CD47: variants seen among roughly 807,000 people sequenced by gnomAD.
CD47 encodes CD47 molecule.
A neutral mutation model predicts 44.6 loss-of-function variants in CD47; 11 were observed. That is an observed-to-expected ratio of 0.25 (90% CI 0.16 to 0.41). The LOEUF (loss-of-function observed/expected upper bound fraction) is 0.41. CD47 is among the 10% of genes least tolerant of loss of function. CD47 has a pLI of 1.00. For synonymous variants in CD47, 140 were observed against 136.3 expected (o/e 1.03, Z -0.19); for missense variants, 306 against 386.7 (o/e 0.79, Z 1.75).
rs528193963 is a variant in CD47, at chr3:108,068,618, C to T, written c.490+2475G>A. ...TTCAAATCCCAGTACTATCAGGAAA[C>T]GGCTGGGTGATTGCGGGCAAATTGC... On this transcript the variant is annotated intron_variant, in intron 3 of 10. Transcript: ENST00000361309. Among the ~76,000 whole-genome samples the T allele has an allele frequency of 8.5e-5, 13 of 152,270 alleles. No individual in the cohort carries two copies. The South Asian group carries it at 1.2e-3, about 15-fold the overall frequency.
At chr3:108,073,613 G>C (rs1414796378) in intron 2 of CD47, among the ~76,000 whole-genome samples, 1 of 152,232 alleles carries the variant, frequency 6.6e-6, no homozygotes, top group Non-Finnish European at 1.5e-5. Context: ...TCAGTGATGA[G>C]ATCAAATGGG....
intron 2 of CD47, among the ~76,000 whole-genome samples, chr3:108,073,693 G>A (rs13067707): frequency 0.12 from 18,813 of 152,246 alleles, 1,466 homozygotes; most frequent in Middle Eastern, 0.2. Context: ...TTTATTCTAA[G>A]AGCAATGACA....
intron 1 of CD47, among the ~76,000 whole-genome samples, chr3:108,088,352 G>A (rs1301431291): frequency 6.6e-6 from 1 of 152,154 alleles, no homozygotes; most frequent in Non-Finnish European, 1.5e-5. Flanking sequence ...CAGTGACAAA[G>A]ATAAAACATC....
chr3:108,058,562 G>T lies in CD47; in HGVS notation c.692-133C>A, dbSNP rs2078957392. 8 of 560,108 alleles carry T rather than the reference G, an allele frequency of 1.4e-5. No individual in the cohort carries two copies. The East Asian group carries it at 2.7e-4, about 19-fold the overall frequency. The allele number at this position is 560,108 out of a possible 1,614,324, so 34.7% of individuals were successfully genotyped here. Reference sequence around the variant, plus strand: ...CTCTGGAGTTCATTGTTTGACGGTAGATGTTAACTCAGTGATCTAACCCTT... The same window carrying T: ...CTCTGGAGTTCATTGTTTGACGGTATATGTTAACTCAGTGATCTAACCCTT... On this transcript the variant is annotated intron_variant, in intron 5 of 10. Coordinates refer to ENST00000361309, the MANE Select transcript of CD47 (RefSeq NM_001777.4).
intron 8 of CD47, among the ~76,000 whole-genome samples, chr3:108,051,611 A>G (rs546188545): frequency 2.0e-5 from 3 of 152,348 alleles, no homozygotes; most frequent in South Asian, 2.1e-4. Context: ...TGCACATCCA[A>G]TGAATCCAAC....
chr3:108,068,048 G>A (rs1172920524), intron 3 of CD47, among the ~76,000 whole-genome samples: 2 of 152,178 alleles, frequency 1.3e-5, no homozygotes, highest in African/African-American at 4.8e-5. Context: ...GCCAAGTACA[G>A]ACCATAAATG....
chr3:108,057,072 C>T (rs2108229920), intron 7 of CD47, among the ~76,000 whole-genome samples: 1 of 152,254 alleles, frequency 6.6e-6, no homozygotes, highest in Non-Finnish European at 1.5e-5. Flanking sequence ...CAGGACAGCT[C>T]TATCACAGAA....
intron 2 of CD47, among the ~76,000 whole-genome samples, chr3:108,077,558 G>T (rs2079332122): frequency 6.6e-6 from 1 of 152,102 alleles, no homozygotes; most frequent in South Asian, 2.1e-4. Context: ...TTATCCCAGA[G>T]AAATGAAAAC....
intron 8 of CD47, 50 bp from the exon 9 acceptor site, chr3:108,050,652 T>C: frequency 1.5e-6 from 1 of 665,210 alleles, no homozygotes; most frequent in Non-Finnish European, 2.5e-6. Flanking sequence ...TTATGTCATG[T>C]CATTTTATAG....
chr3:108,060,155 G>C (rs1176478708), intron 4 of CD47, among the ~76,000 whole-genome samples: 6 of 152,170 alleles, frequency 3.9e-5, no homozygotes, highest in Non-Finnish European at 8.8e-5. Flanking sequence ...CTTGGCCAAT[G>C]AAGTTTGCCT....
rs1320737488 is a variant in CD47, at chr3:108,058,414, G to A, written c.707C>T (p.Ser236Phe). 1 of 1,563,782 alleles carries A rather than the reference G, an allele frequency of 6.4e-7. No homozygotes were observed. Among genetic ancestry groups the A allele is most frequent in the African/African-American group, 1.3e-5 (1 of 74,224 alleles). Residue 236 changes from serine (S) to phenylalanine (F), a missense_variant, in exon 6 of 11, where the codon TCC becomes TTC. By Grantham distance (155) the Ser-to-Phe change is radical. Coordinates refer to ENST00000361309, the MANE Select transcript of CD47 (RefSeq NM_001777.4). ...AATAACCAATATGGCAATGACGAAG[G>A]AGGTTAATCCAATCGCTGGAGGAAG... ...YVFSTAIGLT[S>F]FVIAILVIQV...
At chr3:108,085,179 TC>T (rs986358203) in intron 1 of CD47, among the ~76,000 whole-genome samples, 19 of 152,044 alleles carry the variant, frequency 1.2e-4, no homozygotes, top group African/African-American at 4.3e-4. Context: ...TGCACTCTCA[TC>T]CCCATGCCTT....
At position 108,086,789 on chromosome 3, in the gene CD47, G is replaced by A. The variant is rs112141113; in HGVS notation, c.46+4074C>T. ...AAATTTGATCATGTGTGCAAGCTAC[G>A]GGGAAGGAGTCAATGGAGAGGGAAA... On this transcript the variant is annotated intron_variant, in intron 1 of 10. Coordinates refer to ENST00000361309, the MANE Select transcript of CD47 (RefSeq NM_001777.4). 3.8e-3 allele frequency among the ~76,000 whole-genome samples: 573 copies of A among 152,158 alleles called. 1 individual carries two copies. Among genetic ancestry groups the A allele is most frequent in the African/African-American group, 0.012 (507 of 41,516 alleles).
At position 108,044,407 on chromosome 3, in the gene CD47, A is replaced by G. The variant is rs1463361632; in HGVS notation, c.*2881T>C. On this transcript the variant is annotated 3_prime_UTR_variant, in exon 11 of 11. Transcript: ENST00000361309. ...CCTTTGAAGGTTTTTAGAGCATGTGAAATTAGTCAAAAAAAAAAAAAAAAA... is the reference window on the plus strand; with the variant it reads ...CCTTTGAAGGTTTTTAGAGCATGTGGAATTAGTCAAAAAAAAAAAAAAAAA... 2 of 106,708 alleles carry G rather than the reference A, an allele frequency of 1.9e-5. No individual in the cohort carries two copies. Among genetic ancestry groups the G allele is most frequent in the Admixed American group, 1.2e-4 (1 of 8,392 alleles). The allele number at this position is 106,708 out of a possible 1,614,324, so 6.6% of individuals were successfully genotyped here.
chr3:108,084,715 A>G (rs1433338836), intron 1 of CD47, among the ~76,000 whole-genome samples: 1 of 152,052 alleles, frequency 6.6e-6, no homozygotes, highest in Non-Finnish European at 1.5e-5. Context: ...AGTATTTTCT[A>G]TCATCTACCA....
intron 1 of CD47, among the ~76,000 whole-genome samples, chr3:108,081,619 T>C (rs748185191): frequency 7.9e-5 from 12 of 151,958 alleles, no homozygotes; most frequent in Non-Finnish European, 1.5e-4. Context: ...TTTAATATGC[T>C]GCCTTAAGCA....
chr3:108,053,723 A>G (rs1189644556), intron 7 of CD47: 1 of 152,234 alleles, frequency 6.6e-6, no homozygotes, highest in Non-Finnish European at 1.5e-5. Flanking sequence ...ATAGGAGTCC[A>G]GTTTCTGTTA....
At chr3:108,058,312 A>T in intron 6 of CD47, 25 bp downstream of exon 6, 1 of 1,360,882 alleles carries the variant, frequency 7.3e-7, no homozygotes, top group Non-Finnish European at 1.0e-6. Flanking sequence ...AACCCAAATT[A>T]GGTCTACAGA....
chr3:108,089,956 G>A (rs2079596675), intron 1 of CD47, among the ~76,000 whole-genome samples: 1 of 121,670 alleles, frequency 8.2e-6, no homozygotes, highest in African/African-American at 3.1e-5. Context: ...TTTTACAGAC[G>A]AAGCACACGT....
Sources: allele counts gnomAD v4.1 joint callset (sites outside exome capture counted in the v4.1 genomes callset), GRCh38; gene constraint gnomAD v4.1.1; transcripts MANE v1.5; gene names NCBI Gene and HGNC (gene_info 2026-07-23, HGNC 2026-07-21).